TNIK: variants seen among roughly 807,000 people sequenced by gnomAD.
The protein encoded by TNIK is TRAF2 and NCK-interacting protein kinase.
TNIK carries 49 observed loss-of-function variants against 191.3 expected under a neutral mutation model. That is an observed-to-expected ratio of 0.26 (90% confidence interval 0.20 to 0.32). The LOEUF (loss-of-function observed/expected upper bound fraction) is 0.32, where lower values mean the gene tolerates loss of function less well. Ranked by LOEUF, TNIK falls within the 10% of genes least tolerant of loss-of-function variation. The pLI, the probability that TNIK is intolerant of heterozygous loss-of-function variation, is 1.00. For synonymous variants in TNIK, 594 were observed against 600.9 expected, an observed-to-expected ratio of 0.99 and a Z score of 0.17; for missense variants, 1,155 against 1,702.3, an observed-to-expected ratio of 0.68 and a Z score of 5.66.
In TNIK at chr3:171,129,494, G is replaced by T. The variant is rs116978046; in HGVS notation, c.1609-616C>A. Among the ~76,000 whole-genome samples the T allele has an allele frequency of 2.2e-4, 33 of 152,162 alleles. No homozygotes were observed. In the East Asian group the frequency reaches 6.2e-3, roughly 29 times the overall value. On this transcript the variant is annotated intron_variant, in intron 15 of 32. Transcript: ENST00000436636. ...GTCTTTCTTTCCAGTTGTCTTTCCT[G>T]CTTCCTCAAATACACTGCCCCATCT... is the stretch of plus-strand genomic sequence containing the variant.
chr3:171,101,284 AGAGAT>A (rs1162767946), intron 22 of TNIK, among the ~76,000 whole-genome samples, 160 bp downstream of exon 22: 1 of 152,158 alleles, frequency 6.6e-6, no homozygotes, highest in Non-Finnish European at 1.5e-5. Flanking sequence ...GTCCATAGAT[AGAGAT>A]AATTATAGAA....
intron 1 of TNIK, among the ~76,000 whole-genome samples, chr3:171,387,919 G>A (rs1718947206): frequency 2.0e-5 from 3 of 148,182 alleles, no homozygotes; most frequent in Non-Finnish European, 1.5e-5. Context: ...TCAGAACTTG[G>A]ACTCCAACAG....
At chr3:171,112,004 G>T (rs1488878852) in intron 18 of TNIK, among the ~76,000 whole-genome samples, 2 of 152,110 alleles carry the variant, frequency 1.3e-5, no homozygotes, top group Admixed American at 1.3e-4. Flanking sequence ...TGTACACCAT[G>T]GTGAGTACAG....
chr3:171,404,777 C>T (rs1011284885), intron 1 of TNIK, among the ~76,000 whole-genome samples: 1 of 152,118 alleles, frequency 6.6e-6, no homozygotes, highest in Admixed American at 6.6e-5. Context: ...TTTTTCCAAG[C>T]TCATAATTGA....
chr3:171,454,194 T>C (rs1367454887), intron 1 of TNIK, among the ~76,000 whole-genome samples: 1 of 152,176 alleles, frequency 6.6e-6, no homozygotes, highest in Non-Finnish European at 1.5e-5. Flanking sequence ...CAGAGACTGG[T>C]TGTGCTCAGC....
intron 2 of TNIK, among the ~76,000 whole-genome samples, chr3:171,235,065 G>A (rs558798344): frequency 2.3e-4 from 35 of 151,594 alleles, no homozygotes; most frequent in South Asian, 6.3e-4. Flanking sequence ...ATTTTGAGAC[G>A]GAGTCTCACT....
chr3:171,123,069 A>C (rs953548894), intron 18 of TNIK, among the ~76,000 whole-genome samples: 6 of 152,244 alleles, frequency 3.9e-5, no homozygotes, highest in Non-Finnish European at 8.8e-5. Flanking sequence ...GTAATGCCAA[A>C]GAGGCAACTT....
chr3:171,321,546 T>A (rs1025807909), intron 2 of TNIK, among the ~76,000 whole-genome samples: 1 of 152,212 alleles, frequency 6.6e-6, no homozygotes, highest in Non-Finnish European at 1.5e-5. Flanking sequence ...GTCCCCCTCA[T>A]GCCATTTGGC....
intron 2 of TNIK, among the ~76,000 whole-genome samples, chr3:171,316,551 C>T (rs1239176844): frequency 1.3e-5 from 2 of 152,080 alleles, no homozygotes; most frequent in Non-Finnish European, 2.9e-5. Context: ...CAGTTAATAG[C>T]CCAGGCAAGC....
chr3:171,176,251 A>C (rs1486774692), intron 8 of TNIK, among the ~76,000 whole-genome samples: 1 of 152,208 alleles, frequency 6.6e-6, no homozygotes, highest in Non-Finnish European at 1.5e-5. Context: ...ATTGTGAATG[A>C]GGGCAATTTT....
chr3:171,420,485 T>C (rs570126573), intron 1 of TNIK, among the ~76,000 whole-genome samples: 8 of 151,980 alleles, frequency 5.3e-5, no homozygotes, highest in African/African-American at 1.9e-4. Context: ...GACATGAGAG[T>C]TCTATTCCCA....
intron 2 of TNIK, among the ~76,000 whole-genome samples, chr3:171,307,762 C>T (rs1753605660): frequency 6.6e-6 from 1 of 152,074 alleles, no homozygotes; most frequent in Non-Finnish European, 1.5e-5. Flanking sequence ...GTTTGGGGAC[C>T]TCTGAGGATC....
intron 12 of TNIK, among the ~76,000 whole-genome samples, chr3:171,141,867 G>C (rs1303639146): frequency 6.6e-6 from 1 of 152,206 alleles, no homozygotes; most frequent in Non-Finnish European, 1.5e-5. Flanking sequence ...TCATTGCATA[G>C]CTTAGGAAAC....
At chr3:171,139,641 T>TA (rs1261463892) in intron 13 of TNIK, 85 bp from the exon 14 acceptor site, 10 of 1,336,906 alleles carry the variant, frequency 7.5e-6, no homozygotes, top group Non-Finnish European at 9.7e-6. Context: ...CAAGAGCCGC[T>TA]AAGTAAAGTG....
chr3:171,421,511 G>A (rs959620301), intron 1 of TNIK, among the ~76,000 whole-genome samples: 2 of 152,144 alleles, frequency 1.3e-5, no homozygotes, highest in African/African-American at 4.8e-5. Context: ...GGTACCACCA[G>A]CCCTTTTGGG....
chr3:171,221,857 A>T (rs1355266317), intron 3 of TNIK, among the ~76,000 whole-genome samples: 1 of 152,104 alleles, frequency 6.6e-6, no homozygotes, highest in Non-Finnish European at 1.5e-5. Context: ...ATTAACTAAC[A>T]CAAATTGGCA....
At chr3:171,339,840 G>A (rs1369640542) in intron 2 of TNIK, among the ~76,000 whole-genome samples, 1 of 152,182 alleles carries the variant, frequency 6.6e-6, no homozygotes, top group East Asian at 1.9e-4. Context: ...TGCAAGGTGT[G>A]TTTGTTGGCA....
chr3:171,102,607 C>A (rs1576811499), intron 21 of TNIK, among the ~76,000 whole-genome samples: 1 of 152,286 alleles, frequency 6.6e-6, no homozygotes, highest in South Asian at 2.1e-4. Flanking sequence ...GGGGAAAAAG[C>A]AATTTGACAT....
At chr3:171,102,429 T>G (rs1282925385) in intron 21 of TNIK, among the ~76,000 whole-genome samples, 6 of 152,220 alleles carry the variant, frequency 3.9e-5, no homozygotes, top group Non-Finnish European at 5.9e-5. Context: ...CTTATGGATG[T>G]GATGATGTGG....
Sources: gnomAD v4.1 joint callset for allele counts (sites outside exome capture counted in the v4.1 genomes callset) on GRCh38, gnomAD v4.1.1 for gene constraint, MANE v1.5 for transcripts, NCBI Gene and HGNC (gene_info 2026-07-23, HGNC 2026-07-21) for gene names.